The following CAMTA1 variants were observed in gnomAD, a reference collection of about 807,000 sequenced individuals.
CAMTA1 encodes calmodulin binding transcription activator 1, also known as calmodulin-binding transcription activator 1.
Under a neutral mutation model 170.9 loss-of-function variants are expected in CAMTA1, and 27 were observed. That is an observed-to-expected ratio of 0.16 (90% confidence interval 0.12 to 0.22). CAMTA1 has a LOEUF of 0.22. CAMTA1 is among the 10% of genes least tolerant of loss of function. The pLI is 1.00. For synonymous variants in CAMTA1, 833 were observed against 891.5 expected, an observed-to-expected ratio of 0.93 and a Z score of 1.17; for missense variants, 1,619 against 2,217.2, an observed-to-expected ratio of 0.73 and a Z score of 5.42.
chr1:7,006,464 C>A (rs1026940634), intron 3 of CAMTA1, among the ~76,000 whole-genome samples: 1 of 152,064 alleles, frequency 6.6e-6, no homozygotes, highest in Non-Finnish European at 1.5e-5. Context: ...GGGAAAAAAA[C>A]CCAAGCAGCC....
intron 3 of CAMTA1, among the ~76,000 whole-genome samples, chr1:6,851,586 T>C (rs1445381619): frequency 6.6e-6 from 1 of 152,170 alleles, no homozygotes. Context: ...AACATTTTAA[T>C]AGTAACCAGA....
intron 5 of CAMTA1, among the ~76,000 whole-genome samples, chr1:7,415,445 G>A (rs2091092731): frequency 6.6e-6 from 1 of 151,964 alleles, no homozygotes; most frequent in Non-Finnish European, 1.5e-5. Context: ...GGGTGCTCCT[G>A]TATTGGGTGC....
chr1:7,694,442 A>G (rs1234096715), intron 11 of CAMTA1: 1 of 152,252 alleles, frequency 6.6e-6, no homozygotes, highest in Non-Finnish European at 1.5e-5. Flanking sequence ...ATGAAATTAA[A>G]TGACAAATTC....
rs891055163 is a variant in CAMTA1, at chr1:7,113,473, C to T, written c.302+22102C>T. ...GAGAAGGATCTAGGGGCCAGAGTGG[C>T]TCCCGGTCAGTGTCTAGGAATGGAG... is the stretch of plus-strand genomic sequence containing the variant. On this transcript the variant is annotated intron_variant, in intron 4 of 22. Coordinates refer to ENST00000303635, the MANE Select transcript of CAMTA1 (RefSeq NM_015215.4). This position sits in a 1 kb window ranked among gnomAD's most constrained non-coding sequence, Gnocchi z 4.5. 7.2e-5 allele frequency among the ~76,000 whole-genome samples: 11 copies of T among 152,266 alleles called. No individual in the cohort carries two copies. In the South Asian group the frequency reaches 1.9e-3, roughly 26 times the overall value.
At chr1:6,903,829 G>A (rs1303017633) in intron 3 of CAMTA1, among the ~76,000 whole-genome samples, 1 of 152,188 alleles carries the variant, frequency 6.6e-6, no homozygotes, top group African/African-American at 2.4e-5. Context: ...AGGAAGGAAC[G>A]GTGTGGACAA....
intron 21 of CAMTA1, among the ~76,000 whole-genome samples, 185 bp downstream of exon 21, chr1:7,752,718 G>C (rs578093499): frequency 6.6e-6 from 1 of 152,268 alleles, no homozygotes; most frequent in South Asian, 2.1e-4. Context: ...TTGGAGTGCT[G>C]GTAACCATGT....
intron 11 of CAMTA1, among the ~76,000 whole-genome samples, chr1:7,706,886 C>CTTTT (rs139511207): frequency 1.1e-4 from 15 of 132,216 alleles, no homozygotes; most frequent in Non-Finnish European, 1.6e-4. Context: ...TCAGGCTATT[C>CTTTT]TTTTTTTTTT....
At chr1:7,625,707 G>A (rs563705263) in intron 6 of CAMTA1, among the ~76,000 whole-genome samples, 1 of 152,362 alleles carries the variant, frequency 6.6e-6, no homozygotes, top group South Asian at 2.1e-4. Context: ...TCAGGATGTG[G>A]CGATGAAGAT....
chr1:7,203,979 C>T (rs573795908), intron 4 of CAMTA1, among the ~76,000 whole-genome samples: 1 of 151,146 alleles, frequency 6.6e-6, no homozygotes, highest in East Asian at 1.9e-4. Context: ...CTACAGGCGC[C>T]CGCCACCATG....
chr1:7,655,873 T>C (rs1031807665), intron 7 of CAMTA1, among the ~76,000 whole-genome samples: 2 of 152,212 alleles, frequency 1.3e-5, no homozygotes, highest in African/African-American at 4.8e-5. Context: ...TGAGCCCCCA[T>C]GCGGGGTGTG....
chr1:6,911,831 G>C (rs1054535472), intron 3 of CAMTA1, among the ~76,000 whole-genome samples: 1 of 152,238 alleles, frequency 6.6e-6, no homozygotes, highest in African/African-American at 2.4e-5. Flanking sequence ...TGCGGGCTCT[G>C]TTCCGCGAGC....
intron 4 of CAMTA1, among the ~76,000 whole-genome samples, chr1:7,162,210 A>G (rs1180120138): frequency 2.0e-5 from 3 of 152,154 alleles, no homozygotes; most frequent in African/African-American, 7.2e-5. Flanking sequence ...AAGACCATGT[A>G]TGGTCTTATA....
At chr1:6,949,029 G>A (rs769087386) in intron 3 of CAMTA1, among the ~76,000 whole-genome samples, 3 of 152,172 alleles carry the variant, frequency 2.0e-5, no homozygotes, top group Non-Finnish European at 4.4e-5. Flanking sequence ...GCAGAGAAGG[G>A]GACCATCTGC....
At chr1:7,323,507 CTTTTT>C (rs56382342) in intron 5 of CAMTA1, among the ~76,000 whole-genome samples, 36 of 108,982 alleles carry the variant, frequency 3.3e-4, no homozygotes, top group African/African-American at 1.0e-3. Flanking sequence ...CTTTATTCTT[CTTTTT>C]TTTTTTTTTT....
At chr1:6,855,436 G>A (rs2148846056) in intron 3 of CAMTA1, among the ~76,000 whole-genome samples, 1 of 151,796 alleles carries the variant, frequency 6.6e-6, no homozygotes, top group Non-Finnish European at 1.5e-5. Context: ...GGGGAAGCAG[G>A]CTTGTCTTAC....
Position 6,887,572 on chromosome 1 carries a change from TG to T in CAMTA1, c.234+62364del. Reference sequence around the variant, plus strand: ...AGATGTCTCCTCCTCTCTCTGCCTCTGGAAATGGGGCAAATTTTTCTTCAGT... The same window carrying T: ...AGATGTCTCCTCCTCTCTCTGCCTCTGAAATGGGGCAAATTTTTCTTCAGT... On this transcript the variant is annotated intron_variant, in intron 3 of 22. Coordinates refer to ENST00000303635, the MANE Select transcript of CAMTA1 (RefSeq NM_015215.4). The surrounding 1 kb of genome is among the most constrained non-coding windows in gnomAD (Gnocchi z 4.1). 1 of 1,519,606 alleles carries T rather than the reference TG, an allele frequency of 6.6e-7. No individual in the cohort carries two copies. The highest frequency in any genetic ancestry group is 8.8e-7 in the Non-Finnish European group (1 of 1,138,084). The allele number at this position is 1,519,606 out of a possible 1,614,324, so 94.1% of individuals were successfully genotyped here. A position where few individuals can be genotyped will look rare whatever the true frequency, so the allele number is the denominator to read the frequency against.
chr1:7,073,763 A>G (rs779258692), intron 3 of CAMTA1, among the ~76,000 whole-genome samples: 6 of 152,200 alleles, frequency 3.9e-5, no homozygotes, highest in Non-Finnish European at 7.4e-5. Context: ...TAGTGGAGGT[A>G]AAAATCTGAT....
Position 7,093,357 on chromosome 1 carries a change from G to C in CAMTA1, c.302+1986G>C, listed in dbSNP as rs755543957. 1.3e-5 allele frequency among the ~76,000 whole-genome samples: 2 copies of C among 152,152 alleles called. 1 individual carries two copies. The highest frequency in any genetic ancestry group is 2.9e-5 in the Non-Finnish European group (2 of 68,024). On this transcript the variant is annotated intron_variant, in intron 4 of 22. Transcript: ENST00000303635. This position sits in a 1 kb window ranked among gnomAD's most constrained non-coding sequence, Gnocchi z 4.6. ...TTCTGGGGGAGAAGGAGGCTTATCT[G>C]ATTTCTGCCTCTGGACCATTTCCTG...
chr1:7,398,189 CTCTCTATATATATATATATATATATATA>C (rs1231285627), intron 5 of CAMTA1, among the ~76,000 whole-genome samples: 2 of 32,324 alleles, frequency 6.2e-5, no homozygotes, highest in African/African-American at 1.4e-4. Flanking sequence ...CTCTCTCTCT[CTCTCTATATATATATATATATATATATA>C]TATATATATA....
Sources: gnomAD v4.1 joint callset for allele counts (sites outside exome capture counted in the v4.1 genomes callset) on GRCh38, gnomAD v4.1.1 for gene constraint, Gnocchi (gnomAD v3.1) non-coding constraint, MANE v1.5 for transcripts, NCBI Gene and HGNC (gene_info 2026-07-23, HGNC 2026-07-21) for gene names.